LMOD1: variants seen among roughly 807,000 people sequenced by gnomAD.
The protein encoded by LMOD1 is leiomodin-1.
LMOD1 carries 8 observed loss-of-function variants against 36.5 expected under a neutral mutation model. The observed-to-expected ratio is 0.22, with a 90% CI of 0.13 to 0.40. The LOEUF (loss-of-function observed/expected upper bound fraction) is 0.40, where lower values mean the gene tolerates loss of function less well. Among genes scored for constraint, LMOD1 ranks in the 10% least tolerant of loss-of-function variants. The pLI, the probability that LMOD1 is intolerant of heterozygous loss-of-function variation, is 1.00. For missense variants in LMOD1, 630 were observed against 751.1 expected (o/e 0.84, Z 1.88); for synonymous variants, 284 against 288.7 (o/e 0.98, Z 0.17).
chr1:201,943,251 A>C (rs1447259267), intron 1 of LMOD1, among the ~76,000 whole-genome samples: 2 of 152,208 alleles, frequency 1.3e-5, no homozygotes, highest in East Asian at 1.9e-4. Context: ...CACTGATCTC[A>C]ACTAATTAGC....
chr1:201,905,334 T>C (rs1681395221), intron 1 of LMOD1, among the ~76,000 whole-genome samples: 1 of 152,228 alleles, frequency 6.6e-6, no homozygotes, highest in Non-Finnish European at 1.5e-5. Flanking sequence ...TACATGATGT[T>C]GCTCTGTGTC....
chr1:201,924,487 AGGAG>A (rs1225303744), intron 1 of LMOD1, among the ~76,000 whole-genome samples: 1 of 81,728 alleles, frequency 1.2e-5, no homozygotes. Flanking sequence ...GAAGCAAGGA[AGGAG>A]GGAGGGAGGG....
chr1:201,919,775 G>T (rs1206695120), intron 1 of LMOD1, among the ~76,000 whole-genome samples: 1 of 152,150 alleles, frequency 6.6e-6, no homozygotes, highest in South Asian at 2.1e-4. Flanking sequence ...TGCCAGTGTG[G>T]TACATGTGCC....
At chr1:201,901,673 T>TACAC (rs538020795) in intron 1 of LMOD1, among the ~76,000 whole-genome samples, 4 of 98,832 alleles carry the variant, frequency 4.0e-5, no homozygotes, top group African/African-American at 1.6e-4. Context: ...TATATATATA[T>TACAC]ACACATATAT....
intron 1 of LMOD1, among the ~76,000 whole-genome samples, chr1:201,902,034 C>G (rs1241420235): frequency 1.3e-5 from 2 of 150,614 alleles, no homozygotes; most frequent in African/African-American, 4.9e-5. Flanking sequence ...TATCCTCAAG[C>G]AGTCCTCCCA....
chr1:201,945,922 C>T (rs549579246), intron 1 of LMOD1, among the ~76,000 whole-genome samples, 158 bp downstream of exon 1: 1 of 152,258 alleles, frequency 6.6e-6, no homozygotes, highest in South Asian at 2.1e-4. Context: ...GTAAGAGATT[C>T]GCACCGCTAG....
At chr1:201,944,778 C>T (rs1222173513) in intron 1 of LMOD1, among the ~76,000 whole-genome samples, 3 of 151,980 alleles carry the variant, frequency 2.0e-5, no homozygotes, top group African/African-American at 7.3e-5. Context: ...CTCCTCTTTG[C>T]TTCACCCCCT....
chr1:201,935,685 T>C (rs971933428), intron 1 of LMOD1, among the ~76,000 whole-genome samples: 1 of 151,812 alleles, frequency 6.6e-6, no homozygotes, highest in Non-Finnish European at 1.5e-5. Flanking sequence ...GCCTCCCGAG[T>C]ACCTGGGATT....
intron 1 of LMOD1, among the ~76,000 whole-genome samples, chr1:201,901,511 AATATATATATATATATATGTATATATAT>A (rs1681300630): frequency 1.3e-5 from 1 of 75,228 alleles, no homozygotes; most frequent in African/African-American, 7.3e-5. Flanking sequence ...TCAAAAAAAA[AATATATATATATATATATGTATATATAT>A]ATATATATAT....
intron 1 of LMOD1, among the ~76,000 whole-genome samples, chr1:201,907,839 C>A (rs543215040): frequency 6.6e-6 from 1 of 152,284 alleles, no homozygotes; most frequent in East Asian, 1.9e-4. Flanking sequence ...CGGCCCCATT[C>A]ACCAAGAGGC....
At chr1:201,929,418 C>G (rs1427462644) in intron 1 of LMOD1, among the ~76,000 whole-genome samples, 2 of 152,092 alleles carry the variant, frequency 1.3e-5, no homozygotes, top group African/African-American at 4.8e-5. Flanking sequence ...TCTCAGGTTA[C>G]TACAGAGCTG....
intron 1 of LMOD1, among the ~76,000 whole-genome samples, chr1:201,944,911 G>A (rs1322426814): frequency 6.6e-6 from 1 of 152,154 alleles, no homozygotes; most frequent in African/African-American, 2.4e-5. Context: ...CAGGCATTTT[G>A]GATGATAATG....
intron 1 of LMOD1, among the ~76,000 whole-genome samples, chr1:201,918,222 C>T (rs985301540): frequency 4.6e-5 from 7 of 152,190 alleles, no homozygotes; most frequent in African/African-American, 1.4e-4. Flanking sequence ...TCCCTCACCA[C>T]GTTCCCTTCA....
intron 1 of LMOD1, among the ~76,000 whole-genome samples, chr1:201,904,452 C>A (rs1231932926): frequency 1.3e-5 from 2 of 152,182 alleles, no homozygotes; most frequent in East Asian, 3.8e-4. Flanking sequence ...TCAGGTGATC[C>A]ACCTGCCTCG....
rs764015622 is a variant in LMOD1 at position 201,898,346 on chromosome 1, G to A, written c.*26C>T. On this transcript the variant is annotated 3_prime_UTR_variant, in exon 3 of 3. Coordinates refer to ENST00000367288, the MANE Select transcript of LMOD1 (RefSeq NM_012134.3). Reference sequence around the variant, plus strand: ...GTGAGGCCTGAGCAGTCATGGCATTGGCAGATGGTGCCTGGCAGCCTGGTC... The same window carrying A: ...GTGAGGCCTGAGCAGTCATGGCATTAGCAGATGGTGCCTGGCAGCCTGGTC... The A allele has an allele frequency of 5.0e-6, 8 of 1,610,778 alleles. No homozygotes were observed. The highest frequency in any genetic ancestry group is 2.2e-5 in the South Asian group (2 of 90,010).
At chr1:201,915,153 G>A (rs190441318) in intron 1 of LMOD1, among the ~76,000 whole-genome samples, 2 of 152,208 alleles carry the variant, frequency 1.3e-5, no homozygotes, top group Admixed American at 6.5e-5. Flanking sequence ...CCTTCAAAAC[G>A]CTTCCCCATC....
intron 1 of LMOD1, among the ~76,000 whole-genome samples, chr1:201,922,211 C>T (rs1318546408): frequency 6.6e-6 from 1 of 152,110 alleles, no homozygotes; most frequent in Non-Finnish European, 1.5e-5. Context: ...CATAGAGTTG[C>T]CACATGACCC....
intron 1 of LMOD1, among the ~76,000 whole-genome samples, chr1:201,934,364 C>T (rs1301076974): frequency 6.6e-6 from 1 of 152,182 alleles, no homozygotes; most frequent in Non-Finnish European, 1.5e-5. Flanking sequence ...CATCACCACA[C>T]TTATCAACCT....
chr1:201,931,252 A>G (rs1681912880), intron 1 of LMOD1, among the ~76,000 whole-genome samples: 1 of 152,194 alleles, frequency 6.6e-6, no homozygotes, highest in Non-Finnish European at 1.5e-5. Flanking sequence ...GAGAAACGGA[A>G]GGCCGGGTTC....
Sources: allele counts gnomAD v4.1 joint callset (sites outside exome capture counted in the v4.1 genomes callset), GRCh38; gene constraint gnomAD v4.1.1; transcripts MANE v1.5; gene names NCBI Gene and HGNC (gene_info 2026-07-23, HGNC 2026-07-21).